CELSR2: variants seen among roughly 807,000 people sequenced by gnomAD.
CELSR2 encodes cadherin EGF LAG seven-pass G-type receptor 2.
Under a neutral mutation model 251.6 loss-of-function variants are expected in CELSR2, and 81 were observed. That is an observed-to-expected ratio of 0.32 (90% confidence interval 0.27 to 0.39). CELSR2 has a LOEUF of 0.39. CELSR2 is among the 10% of genes least tolerant of loss of function. The pLI, the probability that CELSR2 is intolerant of heterozygous loss-of-function variation, is 1.00. For missense variants in CELSR2, 3,365 were observed against 3,947.7 expected (o/e 0.85, Z 3.96); for synonymous variants, 1,721 against 1,670.5 (o/e 1.03, Z -0.74).
rs571556540 is a variant in CELSR2, at chr1:109,264,153, C to T, written c.5077C>T (p.Arg1693Trp). Residue 1693 changes from arginine (R) to tryptophan (W), a missense_variant, in exon 10 of 34, where the codon CGG (arginine) becomes TGG (tryptophan). Around this residue, in one of 5 missense-constraint regions of CELSR2, gnomAD observed 2,093 missense variants for 2,382.8 expected, o/e 0.88. Coordinates refer to ENST00000271332, the MANE Select transcript of CELSR2 (RefSeq NM_001408.3). ...CTCCTCTCTCCGTCTGGAGCCAGGC[C>T]GGGCCAATGACGGTGACTGGCACCA... ...QASSLRLEPG[R>W]ANDGDWHHAQ... 70 of 1,609,808 alleles carry T rather than the reference C, an allele frequency of 4.3e-5. No homozygotes were observed. Among genetic ancestry groups the T allele is most frequent in the Admixed American group, 5.0e-5 (3 of 59,954 alleles).
Position 109,251,565 on chromosome 1 carries a change from C to T in CELSR2, c.1486C>T (p.Leu496=), listed in dbSNP as rs769102582. Residue 496 remains leucine, a synonymous_variant, in exon 1 of 34, where the codon CTG becomes TTG. Transcript: ENST00000271332. This position sits in a 1 kb window ranked among gnomAD's most constrained non-coding sequence, Gnocchi z 4.9. ...NVSGLVTVQV[L]DINDNAPIFV... ...CTCTGGCTTGGTGACAGTACAGGTC[C>T]TGGATATCAACGACAATGCCCCCAT... 1.2e-6 allele frequency: 2 copies of T among 1,613,794 alleles called. No homozygotes were observed. Among genetic ancestry groups the T allele is most frequent in the East Asian group, 4.5e-5 (2 of 44,880 alleles).
intron 15 of CELSR2, among the ~76,000 whole-genome samples, chr1:109,266,968 G>A (rs1361088014): frequency 2.0e-5 from 3 of 151,836 alleles, no homozygotes; most frequent in Non-Finnish European, 4.4e-5. Flanking sequence ...TGATCAGCCC[G>A]CCTCGGCCTC....
At position 109,269,737 on chromosome 1, in the gene CELSR2, G is replaced by A. The variant is rs746728694; in HGVS notation, c.7024G>A (p.Val2342Ile). ...GGWSARGCEV[V>I]FRNESHVSCQ... ...CTGGTCGGCCAGAGGCTGTGAAGTC[G>A]TCTTCCGCAATGAGAGCCACGTCAG... Residue 2342 changes from valine (V) to isoleucine (I), a missense_variant, in exon 22 of 34, where the codon GTC (valine) becomes ATC (isoleucine). Around this residue, in one of 5 missense-constraint regions of CELSR2, gnomAD observed 2,093 missense variants for 2,382.8 expected, o/e 0.88. Coordinates refer to ENST00000271332, the MANE Select transcript of CELSR2 (RefSeq NM_001408.3). This position sits in a 1 kb window ranked among gnomAD's most constrained non-coding sequence, Gnocchi z 6.4. The A allele has an allele frequency of 1.4e-5, 23 of 1,613,920 alleles. No homozygotes were observed. The highest frequency in any genetic ancestry group is 1.8e-5 in the Non-Finnish European group (21 of 1,180,030).
Position 109,250,982 on chromosome 1 carries a change from C to T in CELSR2, c.903C>T (p.Asn301=), listed in dbSNP as rs139971294. Residue 301 remains asparagine (N), a synonymous_variant, in exon 1 of 34, where the codon AAC becomes AAT. Coordinates refer to ENST00000271332, the MANE Select transcript of CELSR2 (RefSeq NM_001408.3). The surrounding 1 kb of genome is among the most constrained non-coding windows in gnomAD (Gnocchi z 4.4). ...QQEYKESLRE[N]LEVGYEVLTV... ...AGTACAAGGAGAGCCTCAGGGAGAA[C>T]CTGGAGGTTGGCTATGAGGTGCTCA... The T allele has an allele frequency of 2.7e-4, 439 of 1,613,566 alleles. No homozygotes were observed. In the African/African-American group the frequency reaches 5.0e-3, roughly 18 times the overall value.
rs1656112011 is a variant in CELSR2 at position 109,264,014 on chromosome 1, T to C, written c.5002-64T>C. On this transcript the variant is annotated intron_variant, in intron 9 of 33. Transcript: ENST00000271332. Reference sequence around the variant, plus strand: ...GGTTTGATGGTCCAGAAAGGGGAACTGTGAGCTGGAGAACAGTGATTAAGG... The same window carrying C: ...GGTTTGATGGTCCAGAAAGGGGAACCGTGAGCTGGAGAACAGTGATTAAGG... The C allele has an allele frequency of 3.3e-6, 5 of 1,512,924 alleles. No individual in the cohort carries two copies. In the Admixed American group the frequency reaches 8.3e-5, roughly 25 times the overall value. 93.7% of individuals were successfully genotyped at this position (1,512,924 alleles called of 1,614,324 possible).
At position 109,264,605 on chromosome 1, in the gene CELSR2, G is replaced by T. The variant is rs1289802839; in HGVS notation, c.5441G>T (p.Ser1814Ile). ...AGCTATTGCAGCAACGACTGGGACA[G>T]CTATTCCTGCAGCTGTGATCCAGGT... Reference protein sequence around the residue: ...ANSYCSNDWDSYSCSCDPGYY... With the variant: ...ANSYCSNDWDIYSCSCDPGYY... Residue 1814 changes from serine to isoleucine, a missense_variant, in exon 11 of 34, where the codon AGC becomes ATC. Physicochemically the swap from Ser to Ile is moderately radical, Grantham distance 142. Coordinates refer to ENST00000271332, the MANE Select transcript of CELSR2 (RefSeq NM_001408.3). 1.1e-5 allele frequency: 18 copies of T among 1,613,304 alleles called. No individual in the cohort carries two copies. Among genetic ancestry groups the T allele is most frequent in the Non-Finnish European group, 1.5e-5 (18 of 1,179,402 alleles).
In CELSR2 at chr1:109,267,548, G is replaced by A. The variant is rs1239095319; in HGVS notation, c.6014G>A (p.Gly2005Glu). 1 of 1,613,620 alleles carries A rather than the reference G, an allele frequency of 6.2e-7. No homozygotes were observed. Among genetic ancestry groups the A allele is most frequent in the Admixed American group, 1.7e-5 (1 of 59,924 alleles). Reference sequence around the variant, plus strand: ...GGCCCTTTTGGCTTCCTTCCCCCAGGGACTGCTGTGCGCCACTGTGATGAG... The same window carrying A: ...GGCCCTTTTGGCTTCCTTCCCCCAGAGACTGCTGTGCGCCACTGTGATGAG... ...AAAPCPKGSF[G>E]TAVRHCDEHR... Residue 2005 changes from glycine to glutamate, a missense_variant and splice_region_variant, in exon 16 of 34, where the codon GGG (glycine) becomes GAG (glutamate). By Grantham distance (98) the Gly-to-Glu change is moderately conservative. This residue lies in a region of CELSR2 where 2,093 missense variants were observed against 2,382.8 expected (regional missense o/e 0.88). Transcript: ENST00000271332.
Position 109,250,202 on chromosome 1 carries a change from G to A in CELSR2, c.123G>A (p.Gly41=), listed in dbSNP as rs1655641597. The A allele has an allele frequency of 6.2e-7, 1 of 1,600,442 alleles. No individual in the cohort carries two copies. Among genetic ancestry groups the A allele is most frequent in the South Asian group, 1.1e-5 (1 of 89,868 alleles). ...GDQVGPCRSL[G]SRGRGSSGAC... ...AAGTGGGGCCCTGTCGTTCCTTGGG[G>A]TCCAGGGGACGAGGCTCTTCGGGGG... The change falls in exon 1 of 34, where the codon GGG becomes GGA. Residue 41 remains glycine (G), a synonymous_variant. Transcript: ENST00000271332. The surrounding 1 kb of genome is among the most constrained non-coding windows in gnomAD (Gnocchi z 4.4).
Position 109,250,267 on chromosome 1 carries a change from C to G in CELSR2, c.188C>G (p.Ser63Trp). 6.2e-7 allele frequency: 1 copy of G among 1,612,578 alleles called. No individual in the cohort carries two copies. The highest frequency in any genetic ancestry group is 8.5e-7 in the Non-Finnish European group (1 of 1,179,690). Residue 63 changes from serine (S) to tryptophan (W), a missense_variant, in exon 1 of 34, where the codon TCG (serine) becomes TGG (tryptophan). By Grantham distance (177) the Ser-to-Trp change is radical. Coordinates refer to ENST00000271332, the MANE Select transcript of CELSR2 (RefSeq NM_001408.3). The surrounding 1 kb of genome is among the most constrained non-coding windows in gnomAD (Gnocchi z 4.4). ...PMGWLCPSSA[S>W]NLWLYTSRCR... ...GGCTGGCTCTGTCCATCCTCAGCGT[C>G]GAACCTCTGGCTCTACACCAGCCGC...
chr1:109,251,903 A>G lies in CELSR2; in HGVS notation c.1824A>G (p.Pro608=). Residue 608 remains proline, a synonymous_variant, in exon 1 of 34, where the codon CCA becomes CCG. Coordinates refer to ENST00000271332, the MANE Select transcript of CELSR2 (RefSeq NM_001408.3). This position sits in a 1 kb window ranked among gnomAD's most constrained non-coding sequence, Gnocchi z 4.9. ...VTVLDVNDNN[P]TFTQPEYTVR... ...TCCTGGATGTCAACGACAACAATCCAACCTTTACCCAACCAGAGTACACAG... is the reference window on the plus strand; with the variant it reads ...TCCTGGATGTCAACGACAACAATCCGACCTTTACCCAACCAGAGTACACAG... The G allele has an allele frequency of 6.2e-7, 1 of 1,614,082 alleles. No homozygotes were observed. The highest frequency in any genetic ancestry group is 1.1e-5 in the South Asian group (1 of 91,084).
chr1:109,272,018 A>C (rs920465502), intron 28 of CELSR2, among the ~76,000 whole-genome samples: 4 of 152,198 alleles, frequency 2.6e-5, no homozygotes, highest in Non-Finnish European at 4.4e-5. Flanking sequence ...CTCAGGAGAC[A>C]ATTTCTGGTC....
Position 109,253,195 on chromosome 1 carries a change from G to A in CELSR2, c.3116G>A (p.Ser1039Asn). ...LFNNYVTNRS[S>N]SFPGGAIGRV... The stretch of plus-strand genomic sequence containing the variant: ...AACAACTATGTCACCAATCGCTCAA[G>A]CAGCTTCCCTGGGGGTGCCATTGGC... The change falls in exon 1 of 34, where the codon AGC (serine) becomes AAC (asparagine). Residue 1039 changes from serine (S) to asparagine (N), a missense_variant. Physicochemically the swap from Ser to Asn is conservative, Grantham distance 46. Transcript: ENST00000271332. 6.2e-7 allele frequency: 1 copy of A among 1,613,628 alleles called. No homozygotes were observed. The highest frequency in any genetic ancestry group is 8.5e-7 in the Non-Finnish European group (1 of 1,180,052).
At chr1:109,270,754 G>T in intron 24 of CELSR2, 154 bp downstream of exon 24, 1 of 1,094,820 alleles carries the variant, frequency 9.1e-7, no homozygotes. Context: ...CCCAGACTCT[G>T]CAGCCGCCAC....
chr1:109,271,872 G>T (rs1188428635), intron 28 of CELSR2, 150 bp downstream of exon 28: 12 of 1,059,306 alleles, frequency 1.1e-5, no homozygotes. Context: ...GTTCGGCCTG[G>T]GGAGGAGATG....
At chr1:109,266,559 ATTTT>A (rs35994599) in intron 15 of CELSR2, 6 of 83,740 alleles carry the variant, frequency 7.2e-5, no homozygotes, top group Non-Finnish European at 1.2e-4. Context: ...CACCTGGCTA[ATTTT>A]TTTTTTTTTT....
In CELSR2 at chr1:109,272,332, G is replaced by T; in HGVS notation, c.7981G>T (p.Asp2661Tyr). 6.2e-7 allele frequency: 1 copy of T among 1,612,434 alleles called. No individual in the cohort carries two copies. Among genetic ancestry groups the T allele is most frequent in the East Asian group, 2.2e-5 (1 of 44,834 alleles). The stretch of plus-strand genomic sequence containing the variant: ...TGGGCGGCTGTACCAGCCCTACGGA[G>T]ACTCGGCCGGCTCTCTGCACAGCAC... Reference protein sequence around the residue: ...ADGRLYQPYGDSAGSLHSTSR... With the variant: ...ADGRLYQPYGYSAGSLHSTSR... Residue 2661 changes from aspartate to tyrosine, a missense_variant, in exon 29 of 34, where the codon GAC (aspartate) becomes TAC (tyrosine). Physicochemically the swap from Asp to Tyr is radical, Grantham distance 160. Transcript: ENST00000271332.
At chr1:109,254,177 A>AG (rs1655784157) in intron 1 of CELSR2, among the ~76,000 whole-genome samples, 1 of 152,216 alleles carries the variant, frequency 6.6e-6, no homozygotes. Context: ...TTAGGGTGCC[A>AG]GGCCTTCCTT....
chr1:109,269,157 C>T lies in CELSR2; in HGVS notation c.6679C>T (p.Pro2227Ser), dbSNP rs1252678046. The T allele has an allele frequency of 6.2e-7, 1 of 1,611,318 alleles. No individual in the cohort carries two copies. Among genetic ancestry groups the T allele is most frequent in the Admixed American group, 1.7e-5 (1 of 59,598 alleles). Residue 2227 changes from proline to serine, a missense_variant, in exon 20 of 34, where the codon CCA becomes TCA. Pro to Ser is a moderately conservative substitution (Grantham distance 74, BLOSUM62 -1). Coordinates refer to ENST00000271332, the MANE Select transcript of CELSR2 (RefSeq NM_001408.3). The surrounding 1 kb of genome is among the most constrained non-coding windows in gnomAD (Gnocchi z 6.4). Reference sequence around the variant, plus strand: ...CGCAGGCCCCGGAGAGGCCCAGGAGCCAGAGGAGCTGGCACGGCGACAGCG... The same window carrying T: ...CGCAGGCCCCGGAGAGGCCCAGGAGTCAGAGGAGCTGGCACGGCGACAGCG... ...RPAGPGEAQEPEELARRQRRH... is the reference protein window; with the variant it reads ...RPAGPGEAQESEELARRQRRH...
At position 109,250,487 on chromosome 1, in the gene CELSR2, G is replaced by A. The variant is rs770624909; in HGVS notation, c.408G>A (p.Pro136=). The change falls in exon 1 of 34, where the codon CCG becomes CCA. Residue 136 remains proline, a synonymous_variant. Transcript: ENST00000271332. This position sits in a 1 kb window ranked among gnomAD's most constrained non-coding sequence, Gnocchi z 4.4. ...QGKLTLPEEH[P]CLKAPRLRCQ... ...AGCTCACACTGCCCGAGGAGCACCC[G>A]TGCTTAAAGGCTCCACGGCTCAGAT... 35 of 1,613,632 alleles carry A rather than the reference G, an allele frequency of 2.2e-5. No individual in the cohort carries two copies. Among genetic ancestry groups the A allele is most frequent in the Non-Finnish European group, 2.8e-5 (33 of 1,180,028 alleles).
Sources: gnomAD v4.1 joint callset for allele counts (sites outside exome capture counted in the v4.1 genomes callset) on GRCh38, gnomAD v4.1.1 for gene constraint, gnomAD v4.1.1 regional missense constraint, Gnocchi (gnomAD v3.1) non-coding constraint, MANE v1.5 for transcripts, NCBI Gene and HGNC (gene_info 2026-07-23, HGNC 2026-07-21) for gene names.